Variants in ATP11A observed in about 807,000 individuals in gnomAD.
ATP11A encodes ATPase phospholipid transporting 11A.
ATP11A carries 81 observed loss-of-function variants against 154.4 expected under a neutral mutation model. The observed-to-expected ratio is 0.52, with a 90% CI of 0.44 to 0.63. The LOEUF (loss-of-function observed/expected upper bound fraction) is 0.63, where lower values mean the gene tolerates loss of function less well. ATP11A is among the 30% of genes least tolerant of loss of function. The pLI is 0.00. For synonymous variants in ATP11A, 623 were observed against 585.9 expected, an observed-to-expected ratio of 1.06 and a Z score of -0.91; for missense variants, 1,316 against 1,474.3, an observed-to-expected ratio of 0.89 and a Z score of 1.76.
At chr13:112,818,832 CG>C (rs1384554879) in intron 6 of ATP11A, among the ~76,000 whole-genome samples, 3 of 152,228 alleles carry the variant, frequency 2.0e-5, no homozygotes, top group Non-Finnish European at 2.9e-5. Context: ...AGGAGCCCCC[CG>C]GCCCAGGCCA....
chr13:112,740,126 TTCTCTC>T (rs71208910), intron 1 of ATP11A, among the ~76,000 whole-genome samples: 5 of 142,398 alleles, frequency 3.5e-5, no homozygotes, highest in Non-Finnish European at 6.1e-5. Context: ...AGCATGTGAA[TTCTCTC>T]TCTCTCTCTC....
intron 26 of ATP11A, among the ~76,000 whole-genome samples, chr13:112,872,880 T>C (rs1203800000): frequency 6.8e-6 from 1 of 146,258 alleles, no homozygotes; most frequent in African/African-American, 2.6e-5. Flanking sequence ...TGTGGCTTTG[T>C]CTCCCGAACG....
intron 1 of ATP11A, among the ~76,000 whole-genome samples, chr13:112,741,979 T>C (rs1282971958): frequency 6.6e-6 from 1 of 150,990 alleles, no homozygotes; most frequent in Non-Finnish European, 1.5e-5. Context: ...GGAAGAGTGG[T>C]TCCCCCACCA....
chr13:112,744,787 G>A (rs912613164), intron 1 of ATP11A, among the ~76,000 whole-genome samples: 1 of 152,200 alleles, frequency 6.6e-6, no homozygotes, highest in Admixed American at 6.5e-5. Context: ...AAGTTAAAAC[G>A]TTGTGGTTAG....
chr13:112,746,871 A>C lies in ATP11A; in HGVS notation c.40-38264A>C, dbSNP rs1037929482. ...CTGTGCCTGGCCTCATTGTGGTTTT[A>C]ATTTGAGCACTTTTCATCTCCTTAT... On this transcript the variant is annotated intron_variant, in intron 1 of 29. Coordinates refer to ENST00000375645, the MANE Select transcript of ATP11A (RefSeq NM_015205.3). The surrounding 1 kb of genome is among the most constrained non-coding windows in gnomAD (Gnocchi z 4.1). 6.6e-6 allele frequency: 1 copy of C among 151,958 alleles called. No individual in the cohort carries two copies. Among genetic ancestry groups the C allele is most frequent in the African/African-American group, 2.4e-5 (1 of 41,368 alleles). The allele number at this position is 151,958 out of a possible 1,614,324, so 9.4% of individuals were successfully genotyped here.
intron 27 of ATP11A, among the ~76,000 whole-genome samples, chr13:112,874,360 C>T (rs1286953583): frequency 1.3e-5 from 2 of 152,228 alleles, no homozygotes; most frequent in African/African-American, 4.8e-5. Flanking sequence ...CTGTCGTGGT[C>T]AGTCGAGGCA....
intron 25 of ATP11A, among the ~76,000 whole-genome samples, chr13:112,864,753 C>T (rs1193061254): frequency 1.4e-5 from 1 of 70,920 alleles, no homozygotes; most frequent in East Asian, 4.0e-4. Context: ...GGTCCATCAC[C>T]ACCTGCACAG....
rs567312230 is a variant in ATP11A, at chr13:112,715,179, C to T, written c.39+24724C>T. Among the ~76,000 whole-genome samples the T allele has an allele frequency of 2.6e-5, 4 of 152,290 alleles. No individual in the cohort carries two copies. In the South Asian group the frequency reaches 6.2e-4, roughly 24 times the overall value. ...AGGACACTTGGGTTGTTTCCTGCGG[C>T]AGCTTTTCCTGACCGAAAGCTTCTC... On this transcript the variant is annotated intron_variant, in intron 1 of 29. Coordinates refer to ENST00000375645, the MANE Select transcript of ATP11A (RefSeq NM_015205.3).
intron 17 of ATP11A, among the ~76,000 whole-genome samples, chr13:112,850,193 T>A (rs2079723445): frequency 6.6e-6 from 1 of 152,232 alleles, no homozygotes; most frequent in African/African-American, 2.4e-5. Context: ...TTTCAACTCT[T>A]ACAAACCAGC....
rs1436950022 is a variant in ATP11A, at chr13:112,875,244, G to A, written c.3162-532G>A. Among the ~76,000 whole-genome samples the A allele has an allele frequency of 6.6e-6, 1 of 152,218 alleles. No homozygotes were observed. The highest frequency in any genetic ancestry group is 1.5e-5 in the Non-Finnish European group (1 of 68,050). ...TGCCTGGGATGTGAAAGGCGATCAG[G>A]AAACGTTACCGGAAGGCACGTATAG... On this transcript the variant is annotated intron_variant, in intron 27 of 29. Transcript: ENST00000375645. The surrounding 1 kb of genome is among the most constrained non-coding windows in gnomAD (Gnocchi z 4.1).
intron 12 of ATP11A, among the ~76,000 whole-genome samples, chr13:112,827,792 CCT>C (rs1253860263): frequency 2.6e-5 from 4 of 152,216 alleles, no homozygotes; most frequent in African/African-American, 4.8e-5. Context: ...GATACAGAGG[CCT>C]CTCTCTGCCT....
chr13:112,810,573 CCT>C (rs754155194), intron 4 of ATP11A, 44 bp from the exon 5 acceptor site: 1 of 1,501,552 alleles, frequency 6.7e-7, no homozygotes, highest in Admixed American at 1.7e-5. Context: ...CTCCTCCTTC[CCT>C]CTCTCCCTGC....
intron 7 of ATP11A, 68 bp downstream of exon 7, chr13:112,819,475 C>A: frequency 1.5e-6 from 2 of 1,349,772 alleles, no homozygotes; most frequent in South Asian, 1.2e-5. Context: ...TGCTTTTTCA[C>A]CCCAAGTAGT....
intron 16 of ATP11A, among the ~76,000 whole-genome samples, chr13:112,837,067 C>T (rs2079257168): frequency 6.6e-6 from 1 of 152,260 alleles, no homozygotes; most frequent in African/African-American, 2.4e-5. Flanking sequence ...CTCCCGCCCA[C>T]AGTGCTGAGG....
rs1294458053 is a variant in ATP11A, at chr13:112,884,633, A to C, written c.*2767A>C. On this transcript the variant is annotated 3_prime_UTR_variant, in exon 30 of 30. Coordinates refer to ENST00000375645, the MANE Select transcript of ATP11A (RefSeq NM_015205.3). The stretch of plus-strand genomic sequence containing the variant: ...AACTAACTTTGAAGCAAGTAATGTC[A>C]ACTTTGAGCACTTTGTTGAGTTTTG... 6.6e-6 allele frequency: 1 copy of C among 152,312 alleles called. No individual in the cohort carries two copies. The highest frequency in any genetic ancestry group is 1.5e-5 in the Non-Finnish European group (1 of 68,072). 9.4% of individuals were successfully genotyped at this position (152,312 alleles called of 1,614,324 possible).
Position 112,859,474 on chromosome 13 carries a change from G to A in ATP11A, c.2727+22G>A. ...ACAGGTCAGTCCTAGGGTCTTCAGG[G>A]ACAGGCTGTCTGAGCCTTCTTTTCC... On this transcript the variant is annotated intron_variant, in intron 23 of 29. Coordinates refer to ENST00000375645, the MANE Select transcript of ATP11A (RefSeq NM_015205.3). This position sits in a 1 kb window ranked among gnomAD's most constrained non-coding sequence, Gnocchi z 4.3. 2 of 1,603,118 alleles carry A rather than the reference G, an allele frequency of 1.2e-6. No homozygotes were observed. Among genetic ancestry groups the A allele is most frequent in the Non-Finnish European group, 1.7e-6 (2 of 1,170,190 alleles).
At chr13:112,877,640 C>A (rs887500575) in intron 28 of ATP11A, among the ~76,000 whole-genome samples, 1 of 152,164 alleles carries the variant, frequency 6.6e-6, no homozygotes, top group African/African-American at 2.4e-5. Flanking sequence ...CCCACCTGGC[C>A]CCTGGGTGCA....
At chr13:112,852,593 T>C (rs2079798560) in intron 18 of ATP11A, among the ~76,000 whole-genome samples, 1 of 152,170 alleles carries the variant, frequency 6.6e-6, no homozygotes, top group Non-Finnish European at 1.5e-5. Flanking sequence ...ACCTGCTGTC[T>C]GTCCAGGAGA....
rs567635914 is a variant in ATP11A, at chr13:112,872,447, C to G, written c.3057+647C>G. Among the ~76,000 whole-genome samples, 3 of 152,290 alleles carry G rather than the reference C, an allele frequency of 2.0e-5. No individual in the cohort carries two copies. The South Asian group carries it at 6.2e-4, about 32-fold the overall frequency. ...CCAACATGGCAAAACCCCATCTTTA[C>G]TAAAAACACAAAAAGTAGCCGGGCA... On this transcript the variant is annotated intron_variant, in intron 26 of 29. Transcript: ENST00000375645.
Sources: gnomAD v4.1 joint callset for allele counts (sites outside exome capture counted in the v4.1 genomes callset) on GRCh38, gnomAD v4.1.1 for gene constraint, Gnocchi (gnomAD v3.1) non-coding constraint, MANE v1.5 for transcripts, NCBI Gene and HGNC (gene_info 2026-07-23, HGNC 2026-07-21) for gene names.